The following IMMP2L variants were observed in gnomAD, a reference collection of about 807,000 sequenced individuals.
The protein encoded by IMMP2L is mitochondrial inner membrane protease subunit 2.
IMMP2L carries 18 observed loss-of-function variants against 19.3 expected under a neutral mutation model. The observed-to-expected ratio is 0.93, with a 90% CI of 0.64 to 1.38. IMMP2L has a LOEUF of 1.38. Ranked by LOEUF, IMMP2L falls within the 40% of genes most tolerant of loss-of-function variation. IMMP2L has a pLI of 0.00. For synonymous variants in IMMP2L, 76 were observed against 73.0 expected, an observed-to-expected ratio of 1.04 and a Z score of -0.21; for missense variants, 233 against 218.2, an observed-to-expected ratio of 1.07 and a Z score of -0.43.
At chr7:110,867,955 T>A (rs1236336966) in intron 5 of IMMP2L, among the ~76,000 whole-genome samples, 1 of 151,896 alleles carries the variant, frequency 6.6e-6, no homozygotes, top group Non-Finnish European at 1.5e-5. Flanking sequence ...CCCCCAGAGG[T>A]CCCCATAGGT....
Position 111,430,796 on chromosome 7 carries a change from G to C in IMMP2L, c.239+56442C>G, listed in dbSNP as rs997418443. On this transcript the variant is annotated intron_variant, in intron 3 of 5. Transcript: ENST00000405709. ...TCTCTTTTACCCAGGGAGAGAAATAGACAAAAGACACTATTAAAGTTAAAT... is the reference window on the plus strand; with the variant it reads ...TCTCTTTTACCCAGGGAGAGAAATACACAAAAGACACTATTAAAGTTAAAT... Among the ~76,000 whole-genome samples, 5 of 151,652 alleles carry C rather than the reference G, an allele frequency of 3.3e-5. No individual in the cohort carries two copies. The South Asian group carries it at 8.3e-4, about 25-fold the overall frequency.
rs1554373084 is a variant in IMMP2L at position 111,168,281 on chromosome 7, G to GA, written c.240-204717_240-204716insT. ...TTTTTACTTGTGGGCTTTAAGTTCT[G>GA]TTTTTTTTTTCTACAGACCTGAACC... On this transcript the variant is annotated intron_variant, in intron 3 of 5. Coordinates refer to ENST00000405709, the MANE Select transcript of IMMP2L (RefSeq NM_032549.4). Among the ~76,000 whole-genome samples, 4 of 147,620 alleles carry GA rather than the reference G, an allele frequency of 2.7e-5. No individual in the cohort carries two copies. In the East Asian group the frequency reaches 7.9e-4, roughly 29 times the overall value.
intron 3 of IMMP2L, among the ~76,000 whole-genome samples, chr7:111,369,390 T>C (rs1413006018): frequency 6.6e-6 from 1 of 151,870 alleles, no homozygotes; most frequent in African/African-American, 2.4e-5. Context: ...ATAAAATTCA[T>C]TGGTATAATT....
chr7:111,060,381 C>T (rs149794838), intron 3 of IMMP2L, among the ~76,000 whole-genome samples: 2 of 152,240 alleles, frequency 1.3e-5, no homozygotes, highest in African/African-American at 4.8e-5. Context: ...TTCAGGAAAA[C>T]CCAATAATAT....
At chr7:111,250,711 T>G (rs192423857) in intron 3 of IMMP2L, among the ~76,000 whole-genome samples, 123 of 152,016 alleles carry the variant, frequency 8.1e-4, no homozygotes, top group South Asian at 4.2e-3. Context: ...ATGCAGAAAA[T>G]TAAAACTGGA....
intron 3 of IMMP2L, among the ~76,000 whole-genome samples, chr7:111,210,077 T>C (rs1423806111): frequency 2.0e-5 from 3 of 152,176 alleles, no homozygotes; most frequent in African/African-American, 7.2e-5. Context: ...GAGTAGCTCC[T>C]TGTATCTCCT....
intron 3 of IMMP2L, among the ~76,000 whole-genome samples, chr7:111,317,469 T>C (rs1824232309): frequency 6.6e-6 from 1 of 152,088 alleles, no homozygotes; most frequent in Admixed American, 6.6e-5. Context: ...TCTCTGGAAA[T>C]TGAGGTTTAT....
At chr7:111,496,859 C>T (rs1245566412) in intron 2 of IMMP2L, among the ~76,000 whole-genome samples, 1 of 151,968 alleles carries the variant, frequency 6.6e-6, no homozygotes, top group African/African-American at 2.4e-5. Context: ...GATCACATGA[C>T]CCAATTCCCC....
intron 3 of IMMP2L, among the ~76,000 whole-genome samples, chr7:111,453,664 G>T (rs1028300205): frequency 6.6e-6 from 1 of 152,128 alleles, no homozygotes; most frequent in African/African-American, 2.4e-5. Context: ...TGACAGGAAA[G>T]TAAAAAGACT....
chr7:110,921,697 T>C (rs1425829425), intron 4 of IMMP2L, among the ~76,000 whole-genome samples: 1 of 152,164 alleles, frequency 6.6e-6, no homozygotes, highest in South Asian at 2.1e-4. Flanking sequence ...TTTTCATCTA[T>C]TCAGTAATGT....
At chr7:111,451,470 C>A (rs1282085124) in intron 3 of IMMP2L, among the ~76,000 whole-genome samples, 2 of 145,264 alleles carry the variant, frequency 1.4e-5, no homozygotes, top group Non-Finnish European at 3.0e-5. Context: ...GAACAAAAAA[C>A]CAAACACTGC....
At chr7:110,763,077 A>AAGG (rs1001962843) in intron 5 of IMMP2L, among the ~76,000 whole-genome samples, 1 of 152,024 alleles carries the variant, frequency 6.6e-6, no homozygotes, top group African/African-American at 2.4e-5. Context: ...CAGTTCAGCA[A>AAGG]AGGAGGAGGA....
intron 3 of IMMP2L, among the ~76,000 whole-genome samples, chr7:111,382,897 C>T (rs1563125073): frequency 6.6e-6 from 1 of 152,176 alleles, no homozygotes; most frequent in South Asian, 2.1e-4. Flanking sequence ...CTAACAGTAG[C>T]TGCAAATGTG....
At chr7:111,409,713 T>C (rs748751096) in intron 3 of IMMP2L, among the ~76,000 whole-genome samples, 13 of 151,830 alleles carry the variant, frequency 8.6e-5, no homozygotes, top group Non-Finnish European at 1.9e-4. Flanking sequence ...AAAAATTACA[T>C]TCATTAAATT....
intron 3 of IMMP2L, among the ~76,000 whole-genome samples, chr7:111,374,887 T>A (rs1830548130): frequency 6.6e-6 from 1 of 152,144 alleles, no homozygotes; most frequent in African/African-American, 2.4e-5. Context: ...AAAAAACTAT[T>A]GTCACTAAGT....
intron 3 of IMMP2L, among the ~76,000 whole-genome samples, chr7:111,420,379 C>CAAAA (rs1835374594): frequency 6.6e-6 from 1 of 151,752 alleles, no homozygotes; most frequent in South Asian, 2.1e-4. Flanking sequence ...AATAAAAAAA[C>CAAAA]TATCTGTACA....
At chr7:111,500,110 A>G (rs1165571525) in intron 2 of IMMP2L, among the ~76,000 whole-genome samples, 1 of 152,040 alleles carries the variant, frequency 6.6e-6, no homozygotes, top group African/African-American at 2.4e-5. Context: ...CCACCCTAAT[A>G]CTGCGCTTTT....
chr7:111,453,270 T>C (rs893641697), intron 3 of IMMP2L, among the ~76,000 whole-genome samples: 1 of 152,182 alleles, frequency 6.6e-6, no homozygotes, highest in Non-Finnish European at 1.5e-5. Flanking sequence ...GGCAGTGTCT[T>C]CGCAGTTTCC....
At chr7:111,071,146 A>G (rs2129575360) in intron 3 of IMMP2L, among the ~76,000 whole-genome samples, 1 of 152,270 alleles carries the variant, frequency 6.6e-6, no homozygotes, top group Non-Finnish European at 1.5e-5. Context: ...TCATTAGAGA[A>G]ATGCAAATCA....
Sources: allele counts gnomAD v4.1 joint callset (sites outside exome capture counted in the v4.1 genomes callset), GRCh38; gene constraint gnomAD v4.1.1; transcripts MANE v1.5; gene names NCBI Gene and HGNC (gene_info 2026-07-23, HGNC 2026-07-21).